The following ST6GALNAC3 variants were observed in gnomAD, a reference collection of about 807,000 sequenced individuals.
ST6GALNAC3 encodes the protein ST6 N-acetylgalactosaminide alpha-2,6-sialyltransferase 3, also known as alpha-N-acetylgalactosaminide alpha-2,6-sialyltransferase 3.
A neutral mutation model predicts 32.7 loss-of-function variants in ST6GALNAC3; 25 were observed. The ratio of observed to expected loss-of-function variants is 0.76; its 90% CI spans 0.56 to 1.07. The LOEUF is 1.07. ST6GALNAC3 is among the 50% of genes least tolerant of loss of function. The pLI is 0.00. For synonymous variants in ST6GALNAC3, 129 were observed against 133.1 expected, an observed-to-expected ratio of 0.97 and a Z score of 0.21; for missense variants, 355 against 382.4, an observed-to-expected ratio of 0.93 and a Z score of 0.60.
At chr1:76,244,232 G>C (rs1657130060) in intron 1 of ST6GALNAC3, among the ~76,000 whole-genome samples, 1 of 152,056 alleles carries the variant, frequency 6.6e-6, no homozygotes, top group African/African-American at 2.4e-5. Flanking sequence ...GTTTATTCAT[G>C]ATTTGGTTCT....
In ST6GALNAC3 at chr1:76,544,058, G is replaced by A. The variant is rs1250474397; in HGVS notation, c.624-83394G>A. On this transcript the variant is annotated intron_variant, in intron 3 of 4. Coordinates refer to ENST00000328299, the MANE Select transcript of ST6GALNAC3 (RefSeq NM_152996.4). ...ATCATATAGTCTAGTGGGGGAGATA[G>A]TCATCATTAATTAATTACATTTATA... Among the ~76,000 whole-genome samples the A allele has an allele frequency of 4.9e-5, 7 of 143,528 alleles. No individual in the cohort carries two copies. The Admixed American group carries it at 5.2e-4, about 11-fold the overall frequency. 94.2% of individuals were successfully genotyped at this position (143,528 alleles called of 152,430 possible). A position where few individuals can be genotyped will look rare whatever the true frequency, so the allele number is the denominator to read the frequency against.
intron 3 of ST6GALNAC3, among the ~76,000 whole-genome samples, chr1:76,424,001 G>C (rs2101394328): frequency 6.6e-6 from 1 of 152,058 alleles, no homozygotes; most frequent in East Asian, 1.9e-4. Context: ...TATCATTGTG[G>C]AGGTACAAAA....
At chr1:76,531,913 G>A (rs1348598123) in intron 3 of ST6GALNAC3, among the ~76,000 whole-genome samples, 1 of 152,162 alleles carries the variant, frequency 6.6e-6, no homozygotes, top group Non-Finnish European at 1.5e-5. Context: ...GGGGCATGTG[G>A]AAAGTGAAGG....
At chr1:76,442,313 C>T (rs1012255449) in intron 3 of ST6GALNAC3, among the ~76,000 whole-genome samples, 3 of 152,210 alleles carry the variant, frequency 2.0e-5, no homozygotes, top group African/African-American at 7.2e-5. Flanking sequence ...GGACTACACA[C>T]TAATTTTCAC....
At chr1:76,400,384 T>G (rs1355531224) in intron 2 of ST6GALNAC3, among the ~76,000 whole-genome samples, 1 of 152,160 alleles carries the variant, frequency 6.6e-6, no homozygotes, top group Non-Finnish European at 1.5e-5. Flanking sequence ...TTGTGAAGAA[T>G]TGCAAAGAGT....
intron 2 of ST6GALNAC3, among the ~76,000 whole-genome samples, chr1:76,410,962 G>C (rs1321498972): frequency 1.3e-5 from 2 of 152,104 alleles, no homozygotes; most frequent in Non-Finnish European, 2.9e-5. Flanking sequence ...ATAGTACCCA[G>C]TCGAGAGAGG....
chr1:76,383,502 G>T (rs1651875643), intron 2 of ST6GALNAC3, among the ~76,000 whole-genome samples: 1 of 150,940 alleles, frequency 6.6e-6, no homozygotes, highest in African/African-American at 2.4e-5. Flanking sequence ...GTCTTGACAG[G>T]CTCAAACAAT....
intron 1 of ST6GALNAC3, among the ~76,000 whole-genome samples, chr1:76,206,590 T>C (rs1654836540): frequency 1.3e-5 from 2 of 152,168 alleles, no homozygotes; most frequent in East Asian, 3.9e-4. Flanking sequence ...TAGCCAGGCA[T>C]GGTGGCGGGT....
At chr1:76,251,247 G>C (rs969088968) in intron 1 of ST6GALNAC3, among the ~76,000 whole-genome samples, 1 of 151,894 alleles carries the variant, frequency 6.6e-6, no homozygotes, top group Non-Finnish European at 1.5e-5. Context: ...CCACTCCTTC[G>C]TGTAAACTTT....
intron 1 of ST6GALNAC3, among the ~76,000 whole-genome samples, chr1:76,170,065 G>A (rs1477454833): frequency 1.3e-5 from 2 of 152,044 alleles, no homozygotes; most frequent in Non-Finnish European, 2.9e-5. Flanking sequence ...GGTATAAGGT[G>A]GATTCAACTG....
chr1:76,264,895 G>C (rs1000299636), intron 1 of ST6GALNAC3, among the ~76,000 whole-genome samples: 2 of 143,324 alleles, frequency 1.4e-5, no homozygotes, highest in Admixed American at 6.9e-5. Flanking sequence ...TGTAACTCTA[G>C]TGCTCTTTTT....
chr1:76,123,327 C>T (rs1461868159), intron 1 of ST6GALNAC3, among the ~76,000 whole-genome samples: 2 of 146,818 alleles, frequency 1.4e-5, no homozygotes, highest in African/African-American at 2.5e-5. Context: ...TGCACTGAGC[C>T]GAGATTATGC....
chr1:76,529,311 C>A (rs1012263410), intron 3 of ST6GALNAC3, among the ~76,000 whole-genome samples: 5 of 151,982 alleles, frequency 3.3e-5, no homozygotes, highest in African/African-American at 9.7e-5. Context: ...TATTTAGATA[C>A]CAGATGGTAG....
At chr1:76,177,007 C>T (rs1038325142) in intron 1 of ST6GALNAC3, among the ~76,000 whole-genome samples, 11 of 152,072 alleles carry the variant, frequency 7.2e-5, no homozygotes, top group Admixed American at 3.9e-4. Context: ...CCCAGGAGTT[C>T]GAGACAACAG....
At chr1:76,403,340 A>G (rs1461676756) in intron 2 of ST6GALNAC3, among the ~76,000 whole-genome samples, 1 of 152,110 alleles carries the variant, frequency 6.6e-6, no homozygotes, top group Non-Finnish European at 1.5e-5. Flanking sequence ...TTCATGTGTA[A>G]GTGCTTCTTG....
Position 76,341,493 on chromosome 1 carries a change from G to A in ST6GALNAC3, c.213+27494G>A, listed in dbSNP as rs144318076. On this transcript the variant is annotated intron_variant, in intron 2 of 4. Coordinates refer to ENST00000328299, the MANE Select transcript of ST6GALNAC3 (RefSeq NM_152996.4). ...CTGGGTGGATTCCATGTCTTTGTGA[G>A]TAATGCTGTGATGAACATACTAGTG... is the stretch of plus-strand genomic sequence containing the variant. Among the ~76,000 whole-genome samples the A allele has an allele frequency of 6.1e-3, 926 of 152,082 alleles. 4 individuals are homozygous for A. The highest frequency in any genetic ancestry group is 0.021 in the African/African-American group (864 of 41,484).
intron 1 of ST6GALNAC3, among the ~76,000 whole-genome samples, chr1:76,256,650 T>C (rs1321503262): frequency 6.6e-6 from 1 of 151,992 alleles, no homozygotes. Flanking sequence ...GGGTGGGGTA[T>C]GTATTATGTG....
At chr1:76,298,046 A>G (rs1229594627) in intron 1 of ST6GALNAC3, among the ~76,000 whole-genome samples, 1 of 152,040 alleles carries the variant, frequency 6.6e-6, no homozygotes, top group Non-Finnish European at 1.5e-5. Context: ...AAAGCTTACC[A>G]TGGTTAAAGT....
At chr1:76,429,679 T>C (rs978697236) in intron 3 of ST6GALNAC3, among the ~76,000 whole-genome samples, 5 of 152,112 alleles carry the variant, frequency 3.3e-5, no homozygotes, top group African/African-American at 1.2e-4. Context: ...TCACCAGGGT[T>C]TCCAACTGCT....
Sources: allele counts gnomAD v4.1 joint callset (sites outside exome capture counted in the v4.1 genomes callset), GRCh38; gene constraint gnomAD v4.1.1; transcripts MANE v1.5; gene names NCBI Gene and HGNC (gene_info 2026-07-23, HGNC 2026-07-21).